The following SCHIP1 variants were observed in gnomAD, a reference collection of about 807,000 sequenced individuals.
SCHIP1 encodes the protein schwannomin-interacting protein 1.
SCHIP1 carries 8 observed loss-of-function variants against 29.7 expected under a neutral mutation model. The observed-to-expected ratio is 0.27, with a 90% CI of 0.16 to 0.49. The LOEUF is 0.49. Among genes scored for constraint, SCHIP1 ranks in the 20% least tolerant of loss-of-function variants. The pLI, the probability that SCHIP1 is intolerant of heterozygous loss-of-function variation, is 0.99. For synonymous variants in SCHIP1, 76 were observed against 94.9 expected (o/e 0.80, Z 1.16); for missense variants, 193 against 294.6 (o/e 0.66, Z 2.52).
chr3:159,302,901 T>A, the SCHIP1 span, among the ~76,000 whole-genome samples: 1 of 152,140 alleles, frequency 6.6e-6, no homozygotes, highest in African/African-American at 2.4e-5. Flanking sequence ...TAAAATTATG[T>A]CCAAACACTT....
rs759264476 is a variant in SCHIP1, at chr3:159,887,919, G to T, written c.465+14G>T. Reference sequence around the variant, plus strand: ...GTCGCTGATCTTGTAAGCAGCAAAGGCTGAAATGCAAGGAAGTGTTTGGGA... The same window carrying T: ...GTCGCTGATCTTGTAAGCAGCAAAGTCTGAAATGCAAGGAAGTGTTTGGGA... On this transcript the variant is annotated intron_variant, in intron 4 of 6. Coordinates refer to ENST00000445224, the Ensembl canonical transcript of SCHIP1. 1 of 1,613,692 alleles carries T rather than the reference G, an allele frequency of 6.2e-7. No individual in the cohort carries two copies. Among genetic ancestry groups the T allele is most frequent in the East Asian group, 2.2e-5 (1 of 44,882 alleles).
At chr3:159,298,352 A>G in the SCHIP1 span, among the ~76,000 whole-genome samples, 2 of 152,212 alleles carry the variant, frequency 1.3e-5, no homozygotes, top group Non-Finnish European at 2.9e-5. Context: ...ATCACAAATC[A>G]ACCATATAGA....
At chr3:159,370,410 C>A in the SCHIP1 span, among the ~76,000 whole-genome samples, 1 of 152,158 alleles carries the variant, frequency 6.6e-6, no homozygotes, top group African/African-American at 2.4e-5. Context: ...TTTCTTATGC[C>A]CTTTCCAGCT....
the SCHIP1 span, among the ~76,000 whole-genome samples, chr3:159,377,907 A>C: frequency 1.3e-5 from 2 of 152,158 alleles, no homozygotes; most frequent in African/African-American, 4.8e-5. Context: ...GGACATGTAC[A>C]TCTTCTGTTC....
chr3:159,797,112 T>A, the SCHIP1 span, among the ~76,000 whole-genome samples: 1 of 152,244 alleles, frequency 6.6e-6, no homozygotes, highest in Non-Finnish European at 1.5e-5. Flanking sequence ...TCCTCTAGAT[T>A]AATAGGAGGC....
intron 1 of SCHIP1, among the ~76,000 whole-genome samples, chr3:159,864,506 CACACACACAT>C (rs1714406685): frequency 6.6e-6 from 1 of 151,594 alleles, no homozygotes; most frequent in African/African-American, 2.4e-5. Context: ...CACACACACA[CACACACACAT>C]ATGCTAGCTC....
chr3:159,404,190 G>A, the SCHIP1 span, among the ~76,000 whole-genome samples: 1 of 151,944 alleles, frequency 6.6e-6, no homozygotes, highest in Non-Finnish European at 1.5e-5. Context: ...CTTCGTGTGC[G>A]ACCCAGCACA....
At chr3:159,501,295 CA>C in the SCHIP1 span, among the ~76,000 whole-genome samples, 1 of 152,194 alleles carries the variant, frequency 6.6e-6, no homozygotes, top group Admixed American at 6.5e-5. Flanking sequence ...GGATGGTAAA[CA>C]GTTGCCTAAT....
the SCHIP1 span, among the ~76,000 whole-genome samples, chr3:159,716,754 C>G: frequency 6.6e-6 from 1 of 152,112 alleles, no homozygotes; most frequent in African/African-American, 2.4e-5. Context: ...CCTTAGAGAC[C>G]TACGAAGAGA....
chr3:159,568,154 C>T, the SCHIP1 span, among the ~76,000 whole-genome samples: 1 of 151,986 alleles, frequency 6.6e-6, no homozygotes, highest in African/African-American at 2.4e-5. Flanking sequence ...ATCTAATAGC[C>T]AGTAAGCTTG....
chr3:159,780,001 C>A, the SCHIP1 span, among the ~76,000 whole-genome samples: 6 of 152,186 alleles, frequency 3.9e-5, 1 homozygote, highest in South Asian at 2.1e-4. Flanking sequence ...TGGTACCCAG[C>A]ATGAGTTACC....
the SCHIP1 span, among the ~76,000 whole-genome samples, chr3:159,457,226 A>G: frequency 1.3e-5 from 2 of 152,206 alleles, no homozygotes; most frequent in Non-Finnish European, 2.9e-5. Context: ...TCCAAGAATA[A>G]TAGCTCATCT....
the SCHIP1 span, among the ~76,000 whole-genome samples, chr3:159,626,249 T>TAG: frequency 0.013 from 1,144 of 85,634 alleles, 17 homozygotes; most frequent in East Asian, 0.027. Context: ...TCTATCTATC[T>TAG]ATATAGATAG....
At chr3:159,596,710 A>G in the SCHIP1 span, among the ~76,000 whole-genome samples, 1 of 152,024 alleles carries the variant, frequency 6.6e-6, no homozygotes, top group African/African-American at 2.4e-5. Context: ...CAGAAAACCA[A>G]ACACTGCAGG....
chr3:159,574,974 G>T, the SCHIP1 span, among the ~76,000 whole-genome samples: 31 of 152,314 alleles, frequency 2.0e-4, no homozygotes, highest in African/African-American at 7.0e-4. Flanking sequence ...TGCAGTATTT[G>T]GGCAGGAGTG....
the SCHIP1 span, among the ~76,000 whole-genome samples, chr3:159,603,659 T>C: frequency 6.6e-6 from 1 of 152,238 alleles, no homozygotes; most frequent in African/African-American, 2.4e-5. Flanking sequence ...TTTTAAGGAA[T>C]TTCCTGATTA....
At chr3:159,578,731 CTCTGTCTCTGTGTCTG>C in the SCHIP1 span, among the ~76,000 whole-genome samples, 1 of 150,240 alleles carries the variant, frequency 6.7e-6, no homozygotes, top group East Asian at 2.0e-4. Flanking sequence ...ATCTTGAAGT[CTCTGTCTCTGTGTCTG>C]TCTGTCTCTC....
the SCHIP1 span, among the ~76,000 whole-genome samples, chr3:159,290,055 C>G: frequency 6.6e-6 from 1 of 152,086 alleles, no homozygotes; most frequent in African/African-American, 2.4e-5. Flanking sequence ...GTCAAACAAA[C>G]TTTTTATCTA....
At chr3:159,503,176 G>A in the SCHIP1 span, among the ~76,000 whole-genome samples, 1 of 152,142 alleles carries the variant, frequency 6.6e-6, no homozygotes, top group African/African-American at 2.4e-5. Flanking sequence ...CTTACAGGTG[G>A]CTCCCCCTAG....
Sources: allele counts gnomAD v4.1 joint callset (sites outside exome capture counted in the v4.1 genomes callset), GRCh38; gene constraint gnomAD v4.1.1; transcripts MANE v1.5; gene names NCBI Gene and HGNC (gene_info 2026-07-23, HGNC 2026-07-21).